Variants in FOCAD observed in about 807,000 individuals in gnomAD.
FOCAD encodes the protein focadhesin.
A neutral mutation model predicts 225.6 loss-of-function variants in FOCAD; 198 were observed. The observed-to-expected ratio is 0.88, with a 90% CI of 0.78 to 0.99. The LOEUF (loss-of-function observed/expected upper bound fraction) is 0.99. Ranked by LOEUF, FOCAD falls within the 50% of genes least tolerant of loss-of-function variation. The pLI, the probability that FOCAD is intolerant of heterozygous loss-of-function variation, is 0.00. For synonymous variants in FOCAD, 897 were observed against 755.0 expected, an observed-to-expected ratio of 1.19 and a Z score of -3.08; for missense variants, 2,713 against 2,123.6, an observed-to-expected ratio of 1.28 and a Z score of -5.46.
chr9:20,799,557 A>G (rs1004993874), intron 11 of FOCAD, among the ~76,000 whole-genome samples: 11 of 152,264 alleles, frequency 7.2e-5, no homozygotes, highest in African/African-American at 2.6e-4. Flanking sequence ...TATATTTAGG[A>G]TAGTCAGCTC....
At chr9:20,855,170 AT>A (rs1199823503) in intron 15 of FOCAD, among the ~76,000 whole-genome samples, 1 of 151,700 alleles carries the variant, frequency 6.6e-6, no homozygotes, top group Non-Finnish European at 1.5e-5. Context: ...CATCATTATA[AT>A]TTTACATTTA....
intron 11 of FOCAD, among the ~76,000 whole-genome samples, chr9:20,805,926 A>G (rs1017159482): frequency 2.0e-5 from 3 of 152,166 alleles, no homozygotes. Context: ...ATCTTTGGGG[A>G]TGATGAGAGA....
At chr9:20,785,521 C>T (rs889215201) in intron 10 of FOCAD, among the ~76,000 whole-genome samples, 1 of 152,082 alleles carries the variant, frequency 6.6e-6, no homozygotes, top group African/African-American at 2.4e-5. Context: ...TCCTTTGTGA[C>T]TGGCTTTTTT....
intron 2 of FOCAD, among the ~76,000 whole-genome samples, chr9:20,662,683 C>A (rs1002462088): frequency 1.3e-5 from 2 of 151,834 alleles, no homozygotes; most frequent in African/African-American, 4.8e-5. Flanking sequence ...TGGTCTTGAA[C>A]ACCTGGGCTC....
At chr9:20,925,584 T>C (rs999586480) in intron 25 of FOCAD, among the ~76,000 whole-genome samples, 1 of 152,230 alleles carries the variant, frequency 6.6e-6, no homozygotes, top group Non-Finnish European at 1.5e-5. Context: ...AACAAAAGAT[T>C]TGAAGATGTG....
intron 2 of FOCAD, among the ~76,000 whole-genome samples, chr9:20,717,218 T>C (rs1222204024): frequency 1.3e-5 from 2 of 152,186 alleles, no homozygotes; most frequent in African/African-American, 2.4e-5. Flanking sequence ...GCTGTGTTTT[T>C]ATTTGAGCTG....
chr9:20,899,102 T>C (rs1832349942), intron 21 of FOCAD, among the ~76,000 whole-genome samples: 1 of 151,876 alleles, frequency 6.6e-6, no homozygotes, highest in Non-Finnish European at 1.5e-5. Context: ...ATAAAACTCT[T>C]ATTAGGTTAG....
chr9:20,915,297 G>T (rs1398695294), intron 23 of FOCAD, among the ~76,000 whole-genome samples: 4 of 152,178 alleles, frequency 2.6e-5, no homozygotes, highest in Non-Finnish European at 5.9e-5. Flanking sequence ...GATTTCAAAA[G>T]ATTGAGCCCT....
intron 4 of FOCAD, among the ~76,000 whole-genome samples, chr9:20,738,272 C>A (rs1458089232): frequency 1.3e-5 from 2 of 152,156 alleles, no homozygotes; most frequent in African/African-American, 2.4e-5. Flanking sequence ...CAAGGAGATG[C>A]CATGCAGTCA....
Position 20,781,735 on chromosome 9 carries a change from C to G in FOCAD, c.1003C>G (p.Leu335Val). 1.2e-6 allele frequency: 2 copies of G among 1,613,202 alleles called. No homozygotes were observed. The highest frequency in any genetic ancestry group is 2.2e-5 in the East Asian group (1 of 44,856). Residue 335 changes from leucine to valine, a missense_variant, in exon 10 of 44, where the codon CTC becomes GTC. By Grantham distance (32) the Leu-to-Val change is conservative. Transcript: ENST00000338382. ...ATTGTTTTGATGAATAGCTTTGAAG[C>G]TCCTCTCTGTTACTGAGGATCAGAA... The part of the protein sequence containing the change: ...QKPILNLALK[L>V]LSVTEDQKIP...
intron 43 of FOCAD, among the ~76,000 whole-genome samples, chr9:20,995,020 T>C (rs890760918): frequency 7.9e-5 from 12 of 152,158 alleles, no homozygotes; most frequent in Admixed American, 3.9e-4. Flanking sequence ...GAACTTCCTA[T>C]TTTAAATTGA....
rs1297737132 is a variant in FOCAD at position 20,974,522 on chromosome 9, T to C, written c.4133-1898T>C. On this transcript the variant is annotated intron_variant, in intron 35 of 43. Transcript: ENST00000338382. ...CATGGCCTCTGCTTCTCCTTTTTCCTATGTTTGTCCTTTCTGTAGCTGTTT... is the reference window on the plus strand; with the variant it reads ...CATGGCCTCTGCTTCTCCTTTTTCCCATGTTTGTCCTTTCTGTAGCTGTTT... Among the ~76,000 whole-genome samples the C allele has an allele frequency of 3.1e-5, 4 of 129,396 alleles. No homozygotes were observed. In the Admixed American group the frequency reaches 3.2e-4, roughly 10 times the overall value. The allele number at this position is 129,396 out of a possible 152,430, so 84.9% of individuals were successfully genotyped here.
intron 14 of FOCAD, among the ~76,000 whole-genome samples, chr9:20,822,294 G>A (rs1262453202): frequency 2.0e-5 from 3 of 151,998 alleles, no homozygotes; most frequent in African/African-American, 7.2e-5. Flanking sequence ...ATTTCTGACA[G>A]GCAATTTCAT....
At chr9:20,698,914 T>C (rs985174989) in intron 1 of FOCAD, among the ~76,000 whole-genome samples, 5 of 152,228 alleles carry the variant, frequency 3.3e-5, no homozygotes, top group Admixed American at 6.5e-5. Flanking sequence ...GGGAGCTGAA[T>C]AGAACTTGAA....
At position 20,667,871 on chromosome 9, in the gene FOCAD, C is replaced by T. The variant is rs561456485; in HGVS notation, c.-78+9045C>T. 3.9e-5 allele frequency among the ~76,000 whole-genome samples: 6 copies of T among 152,160 alleles called. No individual in the cohort carries two copies. In the South Asian group the frequency reaches 1.2e-3, roughly 32 times the overall value. On this transcript the variant is annotated intron_variant, in intron 2 of 45. Coordinates refer to the FOCAD transcript ENST00000380249. Reference sequence around the variant, plus strand: ...TGAAGACGGGATTCTTTCTTCTTTGCATACCATCAAAAAGATCATTCTGGT... The same window carrying T: ...TGAAGACGGGATTCTTTCTTCTTTGTATACCATCAAAAAGATCATTCTGGT...
At chr9:20,928,510 A>G (rs1164065271) in intron 26 of FOCAD, among the ~76,000 whole-genome samples, 3 of 152,214 alleles carry the variant, frequency 2.0e-5, no homozygotes, top group Non-Finnish European at 4.4e-5. Context: ...GATAATAGTG[A>G]GGAATGATAA....
chr9:20,761,659 A>G (rs1246110800), intron 6 of FOCAD, among the ~76,000 whole-genome samples: 1 of 152,020 alleles, frequency 6.6e-6, no homozygotes, highest in Non-Finnish European at 1.5e-5. Flanking sequence ...TGACCTCATG[A>G]TCCACCCGCC....
At chr9:20,897,958 C>CAAA (rs1210190690) in intron 21 of FOCAD, among the ~76,000 whole-genome samples, 1 of 151,706 alleles carries the variant, frequency 6.6e-6, no homozygotes, top group Non-Finnish European at 1.5e-5. Flanking sequence ...TTTTGCTTGT[C>CAAA]TGAGCAAGGC....
chr9:20,926,386 C>A lies in FOCAD; in HGVS notation c.3047C>A (p.Pro1016His), dbSNP rs1405911123. ...LLVIVDSHYQ[P>H]RGQLLSWFYY... is the part of the protein sequence containing the mutation. ...GTCATTGTGGATAGCCATTACCAACCCAGAGGGCAACTTCTCTCCTGGTTT... is the reference window on the plus strand; with the variant it reads ...GTCATTGTGGATAGCCATTACCAACACAGAGGGCAACTTCTCTCCTGGTTT... The change falls in exon 26 of 44, where the codon CCC (proline) becomes CAC (histidine). Residue 1016 changes from proline to histidine, a missense_variant. Physicochemically the swap from Pro to His is moderately conservative, Grantham distance 77. Transcript: ENST00000338382. 6.2e-7 allele frequency: 1 copy of A among 1,611,216 alleles called. No individual in the cohort carries two copies. Among genetic ancestry groups the A allele is most frequent in the Non-Finnish European group, 8.5e-7 (1 of 1,177,580 alleles).
Sources: allele counts gnomAD v4.1 joint callset (sites outside exome capture counted in the v4.1 genomes callset), GRCh38; gene constraint gnomAD v4.1.1; transcripts MANE v1.5; gene names NCBI Gene and HGNC (gene_info 2026-07-23, HGNC 2026-07-21).